The following USP25 variants were observed in gnomAD, a reference collection of about 807,000 sequenced individuals.
USP25 encodes the protein ubiquitin specific peptidase 25.
A neutral mutation model predicts 158.5 loss-of-function variants in USP25; 85 were observed. The observed-to-expected ratio is 0.54, with a 90% CI of 0.45 to 0.64. The LOEUF is 0.64. USP25 is among the 30% of genes least tolerant of loss of function. USP25 has a pLI of 0.00. For missense variants in USP25, 1,242 were observed against 1,327.3 expected (o/e 0.94, Z 1.00); for synonymous variants, 464 against 460.4 (o/e 1.01, Z -0.10).
At chr21:15,876,831 T>C (rs1391498681) in intron 24 of USP25, 1 of 152,236 alleles carries the variant, frequency 6.6e-6, no homozygotes, top group African/African-American at 2.4e-5. Context: ...ATAAGAATTA[T>C]GTGGTGTAAA....
intron 4 of USP25, among the ~76,000 whole-genome samples, chr21:15,790,714 G>T (rs1368331706): frequency 2.0e-5 from 3 of 148,846 alleles, no homozygotes; most frequent in African/African-American, 7.4e-5. Flanking sequence ...CAGGCAAAAT[G>T]CTTGGTTAGA....
intron 10 of USP25, among the ~76,000 whole-genome samples, chr21:15,823,812 C>T (rs2037356220): frequency 3.9e-5 from 6 of 152,144 alleles, no homozygotes; most frequent in African/African-American, 1.4e-4. Context: ...TGTGAGATTT[C>T]TTTTTTTCCT....
intron 6 of USP25, 65 bp downstream of exon 6, chr21:15,799,908 T>C: frequency 9.4e-7 from 1 of 1,066,496 alleles, no homozygotes; most frequent in African/African-American, 1.6e-5. Context: ...ATGTGATTGA[T>C]TTTTGGGCAT....
At chr21:15,848,059 C>T (rs1450241229) in intron 19 of USP25, among the ~76,000 whole-genome samples, 1 of 152,092 alleles carries the variant, frequency 6.6e-6, no homozygotes, top group East Asian at 1.9e-4. Flanking sequence ...TGGCAGATTA[C>T]AATAAGATTT....
intron 4 of USP25, among the ~76,000 whole-genome samples, chr21:15,786,471 A>G (rs1162561286): frequency 6.6e-6 from 1 of 152,164 alleles, no homozygotes; most frequent in Non-Finnish European, 1.5e-5. Context: ...GGGATGGTTC[A>G]ACATACACAA....
At chr21:15,803,860 C>T (rs2036248843) in intron 6 of USP25, among the ~76,000 whole-genome samples, 4 of 151,834 alleles carry the variant, frequency 2.6e-5, no homozygotes, top group Admixed American at 1.3e-4. Context: ...TTTTTGGAAT[C>T]TATTCTAGAA....
rs190581704 is a variant in USP25, at chr21:15,864,292, T to C, written c.2572T>C (p.Leu858=). 8 of 1,607,962 alleles carry C rather than the reference T, an allele frequency of 5.0e-6. No individual in the cohort carries two copies. The African/African-American group carries it at 6.7e-5, about 13-fold the overall frequency. ...FKAIKLEYAR[L]VKLAQEDTPP... ...GGCAATTAAGTTGGAATATGCAAGGTTGGTTAAGTTGGCCCAAGAAGACAC... is the reference window on the plus strand; with the variant it reads ...GGCAATTAAGTTGGAATATGCAAGGCTGGTTAAGTTGGCCCAAGAAGACAC... Residue 858 remains leucine (L), a synonymous_variant, in exon 21 of 26, where the codon TTG becomes CTG. Coordinates refer to ENST00000400183, the MANE Select transcript of USP25 (RefSeq NM_001283041.3).
At chr21:15,768,215 C>T (rs570048861) in intron 3 of USP25, among the ~76,000 whole-genome samples, 18 of 152,046 alleles carry the variant, frequency 1.2e-4, no homozygotes, top group South Asian at 2.1e-4. Context: ...ACACATAATA[C>T]GTAATATGTA....
Position 15,878,457 on chromosome 21 carries a change from T to G in USP25, c.3360T>G (p.Thr1120=), listed in dbSNP as rs752141315. Residue 1120 remains threonine, a synonymous_variant, in exon 26 of 26, where the codon ACT becomes ACG. Coordinates refer to ENST00000400183, the MANE Select transcript of USP25 (RefSeq NM_001283041.3). ...GAATCATGTTGTCCCTCAGTCGAAC[T>G]CCTGCTGATGGAAGATAAACTGCAC... ...FARIMLSLSR[T]PADGR 2 of 1,613,892 alleles carry G rather than the reference T, an allele frequency of 1.2e-6. No individual in the cohort carries two copies. Among genetic ancestry groups the G allele is most frequent in the African/African-American group, 2.7e-5 (2 of 74,942 alleles).
chr21:15,849,988 A>C (rs985435066), intron 20 of USP25, 116 bp downstream of exon 20: 9 of 716,394 alleles, frequency 1.3e-5, no homozygotes, highest in Non-Finnish European at 2.0e-5. Flanking sequence ...TTCCTATCTT[A>C]GTTATGGCCA....
intron 23 of USP25, 31 bp from the exon 24 acceptor site, chr21:15,874,372 T>C: frequency 6.4e-7 from 1 of 1,561,184 alleles, no homozygotes; most frequent in Non-Finnish European, 8.7e-7. Flanking sequence ...GGTGAAATAC[T>C]AATGTTATAT....
intron 1 of USP25, among the ~76,000 whole-genome samples, chr21:15,735,328 T>C (rs1284743845): frequency 6.6e-6 from 1 of 152,178 alleles, no homozygotes; most frequent in Non-Finnish European, 1.5e-5. Flanking sequence ...GTACTGAACA[T>C]GTACAGTCTC....
At chr21:15,805,771 C>G (rs1055455923) in intron 7 of USP25, 1 of 151,940 alleles carries the variant, frequency 6.6e-6, no homozygotes, top group African/African-American at 2.4e-5. Flanking sequence ...CCAGTATTTT[C>G]ACATATAATT....
rs1376062834 is a variant in USP25, at chr21:15,842,512, A to C, written c.2309A>C (p.Asp770Ala). 6.2e-7 allele frequency: 1 copy of C among 1,613,566 alleles called. No individual in the cohort carries two copies. The highest frequency in any genetic ancestry group is 8.5e-7 in the Non-Finnish European group (1 of 1,179,696). ...IITKASHEHE[D>A]KSPETVLQSK... ...ACCAAGGCATCACATGAGCATGAAG[A>C]TAAAAGTCCTGAAACAGTTTTGCAG... Residue 770 changes from aspartate to alanine, a missense_variant, in exon 18 of 26, where the codon GAT becomes GCT. Physicochemically the swap from Asp to Ala is moderately radical, Grantham distance 126. Transcript: ENST00000400183.
At chr21:15,851,126 A>G (rs1292177309) in intron 20 of USP25, among the ~76,000 whole-genome samples, 3 of 151,952 alleles carry the variant, frequency 2.0e-5, no homozygotes, top group Non-Finnish European at 2.9e-5. Flanking sequence ...TAAAAAAAAA[A>G]CACTGAATAT....
chr21:15,830,725 T>C (rs1205965139), intron 15 of USP25, 124 bp downstream of exon 15: 7 of 728,308 alleles, frequency 9.6e-6, no homozygotes, highest in South Asian at 7.3e-5. Context: ...GCAAATCTTA[T>C]TGTAAAATAA....
At chr21:15,757,784 G>T (rs958429682) in intron 1 of USP25, among the ~76,000 whole-genome samples, 2 of 152,172 alleles carry the variant, frequency 1.3e-5, no homozygotes, top group African/African-American at 4.8e-5. Flanking sequence ...CATCATCCAT[G>T]ACAAAAGGAA....
intron 17 of USP25, 48 bp downstream of exon 17, chr21:15,833,596 A>T: frequency 6.7e-7 from 1 of 1,492,938 alleles, no homozygotes; most frequent in Non-Finnish European, 9.1e-7. Flanking sequence ...TATTATTTTT[A>T]TAATAAGATA....
chr21:15,840,378 A>G (rs2038274163), intron 17 of USP25, among the ~76,000 whole-genome samples: 1 of 152,150 alleles, frequency 6.6e-6, no homozygotes, highest in African/African-American at 2.4e-5. Context: ...AAAATTAGTG[A>G]AGTATGTAAT....
Sources: gnomAD v4.1 joint callset for allele counts (sites outside exome capture counted in the v4.1 genomes callset) on GRCh38, gnomAD v4.1.1 for gene constraint, MANE v1.5 for transcripts, NCBI Gene and HGNC (gene_info 2026-07-23, HGNC 2026-07-21) for gene names.